Variants in GALNTL6 observed in about 807,000 individuals in gnomAD.
GALNTL6 encodes the protein polypeptide N-acetylgalactosaminyltransferase like 6.
A neutral mutation model predicts 73.7 loss-of-function variants in GALNTL6; 46 were observed. That is an observed-to-expected ratio of 0.62 (90% CI 0.49 to 0.80). The LOEUF (loss-of-function observed/expected upper bound fraction) is 0.80. Ranked by LOEUF, GALNTL6 falls within the 30% of genes least tolerant of loss-of-function variation. The probability of loss-of-function intolerance (pLI) is 0.00; values close to 1 mark genes in which losing one functional copy is unlikely to be tolerated. For synonymous variants in GALNTL6, 259 were observed against 263.7 expected, an observed-to-expected ratio of 0.98 and a Z score of 0.17; for missense variants, 604 against 755.0, an observed-to-expected ratio of 0.80 and a Z score of 2.34.
At chr4:172,151,565 T>C (rs578066531) in intron 2 of GALNTL6, among the ~76,000 whole-genome samples, 28 of 152,340 alleles carry the variant, frequency 1.8e-4, no homozygotes, top group Admixed American at 1.8e-3. Context: ...AGGAGTGTTT[T>C]GGACATTTAT....
At chr4:172,353,081 C>T (rs1741995367) in intron 5 of GALNTL6, among the ~76,000 whole-genome samples, 2 of 152,092 alleles carry the variant, frequency 1.3e-5, no homozygotes, top group South Asian at 4.1e-4. Context: ...ATCTGCATTT[C>T]AACAGGATCT....
intron 2 of GALNTL6, among the ~76,000 whole-genome samples, chr4:172,065,892 C>G (rs2110890605): frequency 6.6e-6 from 1 of 152,274 alleles, no homozygotes; most frequent in South Asian, 2.1e-4. Context: ...AACTCACTCA[C>G]TATCGTGAGA....
At chr4:171,995,261 T>A (rs1740453161) in intron 2 of GALNTL6, among the ~76,000 whole-genome samples, 1 of 151,912 alleles carries the variant, frequency 6.6e-6, no homozygotes, top group Non-Finnish European at 1.5e-5. Flanking sequence ...TGAAATCAGA[T>A]CATAACATTC....
At chr4:172,079,963 T>C (rs1177448979) in intron 2 of GALNTL6, among the ~76,000 whole-genome samples, 5 of 152,134 alleles carry the variant, frequency 3.3e-5, no homozygotes, top group Admixed American at 6.5e-5. Flanking sequence ...AATCCTAGTG[T>C]CATACTTAGA....
intron 5 of GALNTL6, among the ~76,000 whole-genome samples, chr4:172,392,025 G>A (rs1743680293): frequency 6.6e-6 from 1 of 151,826 alleles, no homozygotes; most frequent in African/African-American, 2.4e-5. Flanking sequence ...GTCTTGCTCT[G>A]TAGCCCAGGC....
Position 172,702,388 on chromosome 4 carries a change from C to G in GALNTL6, c.554-106973C>G, listed in dbSNP as rs141271266. ...CATCTCATCCTATTTTGCGCTATCT[C>G]TCCATTGTCATTTTTAATATTCTTC... On this transcript the variant is annotated intron_variant, in intron 5 of 12. Transcript: ENST00000506823. Among the ~76,000 whole-genome samples, 191 of 152,128 alleles carry G rather than the reference C, an allele frequency of 1.3e-3. 1 individual carries two copies. Among genetic ancestry groups the G allele is most frequent in the African/African-American group, 4.4e-3 (183 of 41,544 alleles).
intron 5 of GALNTL6, among the ~76,000 whole-genome samples, chr4:172,791,545 G>A (rs1739994249): frequency 6.6e-6 from 1 of 152,150 alleles, no homozygotes; most frequent in Admixed American, 6.5e-5. Context: ...GAATGTGGAA[G>A]AATCTGAGTG....
chr4:172,962,323 TA>T (rs1381547225), intron 10 of GALNTL6, among the ~76,000 whole-genome samples: 8 of 152,242 alleles, frequency 5.3e-5, no homozygotes, highest in African/African-American at 9.6e-5. Flanking sequence ...TTTACCACAT[TA>T]ACTGTGGTAT....
chr4:171,863,155 G>A (rs894109080), intron 2 of GALNTL6, among the ~76,000 whole-genome samples: 2 of 152,130 alleles, frequency 1.3e-5, no homozygotes, highest in Non-Finnish European at 2.9e-5. Context: ...CAGTCATTCA[G>A]GAAGTGAATG....
intron 2 of GALNTL6, among the ~76,000 whole-genome samples, chr4:171,827,802 T>C (rs1470915986): frequency 6.6e-6 from 1 of 152,160 alleles, no homozygotes; most frequent in African/African-American, 2.4e-5. Flanking sequence ...AATTGAATGC[T>C]AAGTATAGTT....
At chr4:172,771,741 G>A (rs1368104914) in intron 5 of GALNTL6, among the ~76,000 whole-genome samples, 5 of 152,080 alleles carry the variant, frequency 3.3e-5, no homozygotes, top group Non-Finnish European at 5.9e-5. Flanking sequence ...CAGACCTACT[G>A]TATATAGATG....
In GALNTL6 at chr4:172,057,727, AATATAT is replaced by A. The variant is rs147660032; in HGVS notation, c.139-171903_139-171898del. Among the ~76,000 whole-genome samples the A allele has an allele frequency of 7.0e-3, 325 of 46,124 alleles. 9 individuals are homozygous for A. The highest frequency in any genetic ancestry group is 0.02 in the African/African-American group (242 of 12,188). 30.3% of individuals were successfully genotyped at this position (46,124 alleles called of 152,430 possible). The stretch of plus-strand genomic sequence containing the variant: ...AAAAAAAAAAAAAAAAAAAAAAAAA[AATATAT>A]ATATATATATATATATATATATATA... On this transcript the variant is annotated intron_variant, in intron 2 of 12. Coordinates refer to ENST00000506823, the MANE Select transcript of GALNTL6 (RefSeq NM_001034845.3).
intron 5 of GALNTL6, chr4:172,380,280 G>A (rs574131074): frequency 5.2e-6 from 4 of 775,332 alleles, no homozygotes; most frequent in Admixed American, 1.7e-5. Context: ...GTCATAAAAC[G>A]CACTTTAGGG....
intron 5 of GALNTL6, among the ~76,000 whole-genome samples, chr4:172,449,873 G>T (rs985948428): frequency 6.6e-6 from 1 of 152,110 alleles, no homozygotes; most frequent in African/African-American, 2.4e-5. Context: ...TCCTTTGGAA[G>T]TCCAGTAGGC....
chr4:172,563,173 G>T (rs991426068), intron 5 of GALNTL6, among the ~76,000 whole-genome samples: 1 of 152,120 alleles, frequency 6.6e-6, no homozygotes, highest in Non-Finnish European at 1.5e-5. Flanking sequence ...TAGTTTAATT[G>T]CTAGACCTGT....
chr4:172,501,359 G>T (rs1429024034), intron 5 of GALNTL6, among the ~76,000 whole-genome samples: 1 of 152,112 alleles, frequency 6.6e-6, no homozygotes, highest in African/African-American at 2.4e-5. Flanking sequence ...CAAACATAAA[G>T]GATATTTCTC....
chr4:172,566,984 A>G (rs1189885362), intron 5 of GALNTL6, among the ~76,000 whole-genome samples: 1 of 152,020 alleles, frequency 6.6e-6, no homozygotes, highest in African/African-American at 2.4e-5. Context: ...GTTTTTTGAA[A>G]AAGGCTTCAA....
intron 8 of GALNTL6, among the ~76,000 whole-genome samples, chr4:172,905,704 CACCAAAAATGTTTAAGT>C (rs1746847105): frequency 6.7e-6 from 1 of 149,236 alleles, no homozygotes; most frequent in East Asian, 2.0e-4. Flanking sequence ...GTACATAAGC[CACCAAAAATGTTTAAGT>C]CTAGGTATAC....
At chr4:172,139,142 T>C (rs1429682483) in intron 2 of GALNTL6, among the ~76,000 whole-genome samples, 1 of 152,114 alleles carries the variant, frequency 6.6e-6, no homozygotes, top group East Asian at 1.9e-4. Flanking sequence ...CTAGACCTTA[T>C]TGAGCAAGTG....
Sources: gnomAD v4.1 joint callset for allele counts (sites outside exome capture counted in the v4.1 genomes callset) on GRCh38, gnomAD v4.1.1 for gene constraint, MANE v1.5 for transcripts, NCBI Gene and HGNC (gene_info 2026-07-23, HGNC 2026-07-21) for gene names.